TRAM2: variants seen among roughly 807,000 people sequenced by gnomAD.
The protein encoded by TRAM2 is translocation associated membrane protein 2.
Under a neutral mutation model 51.0 loss-of-function variants are expected in TRAM2, and 12 were observed. That is an observed-to-expected ratio of 0.24 (90% CI 0.15 to 0.38). The LOEUF is 0.38. Among genes scored for constraint, TRAM2 ranks in the 10% least tolerant of loss-of-function variants. The pLI, the probability that TRAM2 is intolerant of heterozygous loss-of-function variation, is 1.00. For missense variants in TRAM2, 361 were observed against 462.0 expected, an observed-to-expected ratio of 0.78 and a Z score of 2.00; for synonymous variants, 175 against 179.4, an observed-to-expected ratio of 0.98 and a Z score of 0.20.
rs1766969075 is a variant in TRAM2 at position 52,535,794 on chromosome 6, A to T, written c.173T>A (p.Val58Glu). 3.1e-6 allele frequency: 5 copies of T among 1,613,914 alleles called. No homozygotes were observed. The highest frequency in any genetic ancestry group is 4.2e-6 in the Non-Finnish European group (5 of 1,179,802). ...CCAGTGATTCTTACCTGCTGTAGGC[A>T]CGCTAATGTTATACTGAGGTAAAAT... ...LFILPQYNIS[V>E]PTADSETVHY... Residue 58 changes from valine to glutamate, a missense_variant, in exon 2 of 11, where the codon GTG becomes GAG. Coordinates refer to ENST00000182527, the MANE Select transcript of TRAM2 (RefSeq NM_012288.4).
intron 1 of TRAM2, among the ~76,000 whole-genome samples, chr6:52,572,779 G>C (rs959910299): frequency 1.3e-5 from 2 of 152,186 alleles, no homozygotes; most frequent in African/African-American, 4.8e-5. Flanking sequence ...CAGTGCCATG[G>C]AAGCCATGTA....
chr6:52,565,314 C>G (rs568175431), intron 1 of TRAM2, among the ~76,000 whole-genome samples: 1 of 152,260 alleles, frequency 6.6e-6, no homozygotes, highest in East Asian at 1.9e-4. Flanking sequence ...AACAAAAGAT[C>G]ATTAGGGCGA....
rs1212517324 is a variant in TRAM2 at position 52,501,754 on chromosome 6, G to A, written c.*1443C>T. ...AGATGGGGTTTCACCATGTTGGCCA[G>A]GCTGGTCTTGAACTCCTAACCTCAG... On this transcript the variant is annotated 3_prime_UTR_variant, in exon 11 of 11. Transcript: ENST00000182527. 1 of 152,194 alleles carries A rather than the reference G, an allele frequency of 6.6e-6. No individual in the cohort carries two copies. The highest frequency in any genetic ancestry group is 2.4e-5 in the African/African-American group (1 of 41,438). 9.4% of individuals were successfully genotyped at this position (152,194 alleles called of 1,614,324 possible). A position where few individuals can be genotyped will look rare whatever the true frequency, so the allele number is the denominator to read the frequency against.
Position 52,497,984 on chromosome 6 carries a change from AT to A in TRAM2, c.*5212del, listed in dbSNP as rs935076252. 3.2e-4 allele frequency: 49 copies of A among 152,200 alleles called. No individual in the cohort carries two copies. The highest frequency in any genetic ancestry group is 1.2e-3 in the African/African-American group (49 of 41,446). 9.4% of individuals were successfully genotyped at this position (152,200 alleles called of 1,614,324 possible). ...ATGTCATGGGCACCACGCCAATCTT[AT>A]TCCTGGACAATGACTTAAGCCCCAT... On this transcript the variant is annotated 3_prime_UTR_variant, in exon 11 of 11. Transcript: ENST00000182527.
chr6:52,531,967 A>G (rs1025235914), intron 2 of TRAM2, among the ~76,000 whole-genome samples: 1 of 151,722 alleles, frequency 6.6e-6, no homozygotes, highest in African/African-American at 2.4e-5. Context: ...AGCTTGATTA[A>G]TTAATTAAGC....
intron 4 of TRAM2, among the ~76,000 whole-genome samples, chr6:52,511,265 C>T (rs955982350): frequency 2.6e-5 from 4 of 152,164 alleles, no homozygotes; most frequent in Non-Finnish European, 4.4e-5. Flanking sequence ...ACACCACACC[C>T]GGCTATTTTT....
At chr6:52,555,796 T>C (rs370669834) in intron 1 of TRAM2, among the ~76,000 whole-genome samples, 1 of 152,208 alleles carries the variant, frequency 6.6e-6, no homozygotes, top group East Asian at 1.9e-4. Flanking sequence ...GAATTCAGCC[T>C]GTGCATTCTT....
intron 2 of TRAM2, among the ~76,000 whole-genome samples, chr6:52,528,633 T>G (rs767670064): frequency 2.6e-5 from 4 of 152,104 alleles, no homozygotes; most frequent in African/African-American, 9.7e-5. Context: ...CAAGCTATAG[T>G]GTAGGAGGTT....
chr6:52,551,327 G>C (rs997684504), intron 1 of TRAM2, among the ~76,000 whole-genome samples: 1 of 152,168 alleles, frequency 6.6e-6, no homozygotes, highest in African/African-American at 2.4e-5. Context: ...GTTTCAGCCC[G>C]GAAGGCAAAG....
At chr6:52,506,969 T>C (rs1443167579) in intron 7 of TRAM2, among the ~76,000 whole-genome samples, 1 of 152,208 alleles carries the variant, frequency 6.6e-6, no homozygotes, top group Non-Finnish European at 1.5e-5. Flanking sequence ...ACTGCATGGA[T>C]AACACTCAGC....
intron 1 of TRAM2, among the ~76,000 whole-genome samples, chr6:52,539,947 T>C (rs1000855372): frequency 6.6e-6 from 1 of 152,076 alleles, no homozygotes; most frequent in Non-Finnish European, 1.5e-5. Flanking sequence ...TGACTACAGA[T>C]GAATGCTTAA....
At chr6:52,533,712 C>A (rs1035082344) in intron 2 of TRAM2, among the ~76,000 whole-genome samples, 2 of 152,200 alleles carry the variant, frequency 1.3e-5, no homozygotes, top group African/African-American at 4.8e-5. Context: ...AGGAATTTGC[C>A]CCCAAAGTCC....
chr6:52,567,693 C>A (rs1767611251), intron 1 of TRAM2, among the ~76,000 whole-genome samples: 1 of 152,228 alleles, frequency 6.6e-6, no homozygotes, highest in Non-Finnish European at 1.5e-5. Flanking sequence ...GAAACTTCAA[C>A]ATTGTTCATT....
intron 1 of TRAM2, among the ~76,000 whole-genome samples, chr6:52,557,644 C>T (rs941159355): frequency 2.0e-5 from 3 of 152,146 alleles, no homozygotes; most frequent in Admixed American, 1.3e-4. Flanking sequence ...GGGTGTATGT[C>T]CTGATAAGGC....
At chr6:52,563,488 G>C (rs1187931733) in intron 1 of TRAM2, among the ~76,000 whole-genome samples, 1 of 151,940 alleles carries the variant, frequency 6.6e-6, no homozygotes, top group Non-Finnish European at 1.5e-5. Flanking sequence ...GGGAGACTGA[G>C]GTGGGCGGAT....
chr6:52,559,174 C>T (rs1321831427), intron 1 of TRAM2, among the ~76,000 whole-genome samples: 1 of 152,208 alleles, frequency 6.6e-6, no homozygotes, highest in South Asian at 2.1e-4. Context: ...GAGTTCTGCA[C>T]ACTTCTCTGG....
chr6:52,526,335 A>G (rs543502594), intron 2 of TRAM2, among the ~76,000 whole-genome samples: 2 of 152,336 alleles, frequency 1.3e-5, no homozygotes, highest in African/African-American at 2.4e-5. Context: ...CTTCCATGAC[A>G]TAAAACAATG....
Position 52,539,995 on chromosome 6 carries a change from A to T in TRAM2, c.121-4149T>A, listed in dbSNP as rs570399691. Among the ~76,000 whole-genome samples the T allele has an allele frequency of 4.6e-5, 7 of 152,162 alleles. No individual in the cohort carries two copies. The East Asian group carries it at 1.4e-3, about 30-fold the overall frequency. Reference sequence around the variant, plus strand: ...ACATGATTCTGAGAGAACAGGATCTACGGCCATAATCATGACAAAAATACT... The same window carrying T: ...ACATGATTCTGAGAGAACAGGATCTTCGGCCATAATCATGACAAAAATACT... On this transcript the variant is annotated intron_variant, in intron 1 of 10. Transcript: ENST00000182527.
Position 52,504,622 on chromosome 6 carries a change from T to C in TRAM2, c.1008A>G (p.Arg336=), listed in dbSNP as rs1448114659. ...CCCTCTTGATGAGCCTGGCTGGTAG[T>C]CTGGGTGTGGCTGGGACTCTCCGCT... ...SAKRRVPATP[R]LPARLIKRES... Residue 336 remains arginine, a synonymous_variant, in exon 10 of 11, where the codon AGA becomes AGG. Coordinates refer to ENST00000182527, the MANE Select transcript of TRAM2 (RefSeq NM_012288.4). 3.7e-6 allele frequency: 6 copies of C among 1,614,044 alleles called. No individual in the cohort carries two copies. The highest frequency in any genetic ancestry group is 1.3e-5 in the African/African-American group (1 of 74,940).
Sources: gnomAD v4.1 joint callset for allele counts (sites outside exome capture counted in the v4.1 genomes callset) on GRCh38, gnomAD v4.1.1 for gene constraint, MANE v1.5 for transcripts, NCBI Gene and HGNC (gene_info 2026-07-23, HGNC 2026-07-21) for gene names.